Variants in TDRD10 observed in about 807,000 individuals in gnomAD.
TDRD10 encodes the protein tudor domain-containing protein 10.
In TDRD10, 40 loss-of-function variants were observed where a neutral mutation model predicts 48.0. That is an observed-to-expected ratio of 0.83 (90% CI 0.65 to 1.09). The LOEUF is 1.09. TDRD10 is among the 50% of genes least tolerant of loss of function. The pLI, the probability that TDRD10 is intolerant of heterozygous loss-of-function variation, is 0.00. For missense variants in TDRD10, 378 were observed against 434.7 expected (o/e 0.87, Z 1.16); for synonymous variants, 162 against 170.4 (o/e 0.95, Z 0.38).
chr1:154,531,684 G>A (rs1268306160), intron 6 of TDRD10, among the ~76,000 whole-genome samples: 1 of 152,204 alleles, frequency 6.6e-6, no homozygotes. Context: ...AAAGAACAAA[G>A]CTTCCACAGT....
At chr1:154,514,115 G>C (rs950444189) in intron 4 of TDRD10, among the ~76,000 whole-genome samples, 1 of 152,172 alleles carries the variant, frequency 6.6e-6, no homozygotes, top group Admixed American at 6.5e-5. Flanking sequence ...GTTTGAACTG[G>C]GGAGGCGGAG....
intron 6 of TDRD10, among the ~76,000 whole-genome samples, chr1:154,525,336 A>C (rs1173122740): frequency 6.6e-6 from 1 of 152,218 alleles, no homozygotes; most frequent in Non-Finnish European, 1.5e-5. Context: ...CAAAAGCTGA[A>C]CATAAAATCC....
rs532059673 is a variant in TDRD10 at position 154,541,625 on chromosome 1, C to G, written c.370-399C>G. Among the ~76,000 whole-genome samples the G allele has an allele frequency of 1.8e-3, 268 of 152,122 alleles. 2 individuals carry two copies. The highest frequency in any genetic ancestry group is 6.3e-3 in the African/African-American group (261 of 41,482). ...GGCAGGGCACCCAGGCTTTTCTGTC[C>G]CCACCCAGCCCTGCACCAGGTGACC... On this transcript the variant is annotated intron_variant, in intron 6 of 12. Coordinates refer to ENST00000368482, the MANE Select transcript of TDRD10 (RefSeq NM_182499.4).
At chr1:154,533,060 AGGCAG>A (rs1694729482) in intron 6 of TDRD10, among the ~76,000 whole-genome samples, 1 of 152,204 alleles carries the variant, frequency 6.6e-6, no homozygotes, top group Admixed American at 6.5e-5. Context: ...ATTGACACCC[AGGCAG>A]GGTGGTGGTA....
chr1:154,506,845 AT>A (rs2149310097), intron 1 of TDRD10, 31 bp from the exon 2 acceptor site: 1 of 1,587,816 alleles, frequency 6.3e-7, no homozygotes. Flanking sequence ...CTATCCTGGC[AT>A]TCCTCTAACT....
At chr1:154,536,420 A>G (rs1453190094) in intron 6 of TDRD10, among the ~76,000 whole-genome samples, 3 of 152,220 alleles carry the variant, frequency 2.0e-5, no homozygotes, top group South Asian at 2.1e-4. Context: ...ACTTGATTCA[A>G]TAGGATTTGC....
At position 154,542,716 on chromosome 1, in the gene TDRD10, T is replaced by C. The variant is rs1169046416; in HGVS notation, c.413-15T>C. The C allele has an allele frequency of 6.2e-7, 1 of 1,610,750 alleles. No individual in the cohort carries two copies. The highest frequency in any genetic ancestry group is 8.5e-7 in the Non-Finnish European group (1 of 1,177,702). ...TAGTTCTGGTGCCTCCAGGACTTAGTCTTCTGCTTTCTAGCTATTATACAG... is the reference window on the plus strand; with the variant it reads ...TAGTTCTGGTGCCTCCAGGACTTAGCCTTCTGCTTTCTAGCTATTATACAG... On this transcript the variant is annotated splice_polypyrimidine_tract_variant and intron_variant, in intron 7 of 12. Transcript: ENST00000368482.
intron 11 of TDRD10, among the ~76,000 whole-genome samples, chr1:154,545,486 G>C (rs1361505150): frequency 6.6e-6 from 1 of 152,202 alleles, no homozygotes; most frequent in East Asian, 1.9e-4. Context: ...AAGGATGAAA[G>C]AATGTTTTAG....
At chr1:154,510,388 C>T (rs983855013) in intron 4 of TDRD10, among the ~76,000 whole-genome samples, 3 of 151,866 alleles carry the variant, frequency 2.0e-5, no homozygotes, top group African/African-American at 7.3e-5. Context: ...GTCAGGAGAT[C>T]GAGACCATCC....
chr1:154,526,911 A>G (rs1433790527), intron 6 of TDRD10, among the ~76,000 whole-genome samples: 3 of 137,232 alleles, frequency 2.2e-5, no homozygotes, highest in Non-Finnish European at 4.7e-5. Flanking sequence ...TTATTTTTTT[A>G]TTATTAATTA....
chr1:154,511,551 C>T (rs1302997848), intron 4 of TDRD10, among the ~76,000 whole-genome samples: 1 of 150,574 alleles, frequency 6.6e-6, no homozygotes, highest in East Asian at 1.9e-4. Flanking sequence ...ACAAATAATA[C>T]TAATAATACA....
At position 154,507,266 on chromosome 1, in the gene TDRD10, C is replaced by T. The variant is rs1193274624; in HGVS notation, c.28C>T (p.Leu10Phe). 6.2e-7 allele frequency: 1 copy of T among 1,614,118 alleles called. No homozygotes were observed. Among genetic ancestry groups the T allele is most frequent in the Non-Finnish European group, 8.5e-7 (1 of 1,180,038 alleles). Residue 10 changes from leucine to phenylalanine, a missense_variant, in exon 3 of 13, where the codon CTC becomes TTC. Around this residue, in one of 2 missense-constraint regions of TDRD10, gnomAD observed 310 missense variants for 323.6 expected, o/e 0.96. Transcript: ENST00000368482. Reference sequence around the variant, plus strand: ...GTCCTGGAACATTAGTCACCCCCAACTCTCTGATAAACTGTTTGGGAAGAA... The same window carrying T: ...GTCCTGGAACATTAGTCACCCCCAATTCTCTGATAAACTGTTTGGGAAGAA... MSWNISHPQ[L>F]SDKLFGKNGV... is the part of the protein sequence containing the mutation.
At chr1:154,545,101 C>A in intron 11 of TDRD10, 152 bp downstream of exon 11, 3 of 1,037,556 alleles carry the variant, frequency 2.9e-6, no homozygotes, top group Non-Finnish European at 4.1e-6. Context: ...ATGACCCCTG[C>A]AAAGCTGCCT....
intron 1 of TDRD10, among the ~76,000 whole-genome samples, chr1:154,505,444 A>G (rs1344732281): frequency 6.6e-6 from 1 of 152,106 alleles, no homozygotes; most frequent in African/African-American, 2.4e-5. Context: ...CTCTCTCTCC[A>G]TTTTTATCCA....
At chr1:154,525,287 C>G (rs1036647272) in intron 6 of TDRD10, among the ~76,000 whole-genome samples, 3 of 152,048 alleles carry the variant, frequency 2.0e-5, no homozygotes, top group African/African-American at 7.2e-5. Flanking sequence ...AAGATGATTT[C>G]CCAGTATTCC....
chr1:154,528,683 G>A (rs2149334626), intron 6 of TDRD10, among the ~76,000 whole-genome samples: 1 of 152,172 alleles, frequency 6.6e-6, no homozygotes, highest in East Asian at 2.0e-4. Context: ...TGGTGTGGTG[G>A]TGCATGCCTG....
chr1:154,531,086 C>A (rs1441754306), intron 6 of TDRD10, among the ~76,000 whole-genome samples: 2 of 152,108 alleles, frequency 1.3e-5, no homozygotes, highest in Non-Finnish European at 1.5e-5. Context: ...AGTGATCCGC[C>A]TGCCTCAGCC....
rs191765534 is a variant in TDRD10, at chr1:154,504,024, A to C, written c.-28+995A>C. 1.3e-3 allele frequency among the ~76,000 whole-genome samples: 201 copies of C among 152,344 alleles called. 1 individual carries two copies. The highest frequency in any genetic ancestry group is 4.6e-3 in the African/African-American group (191 of 41,584). ...CAAAAGAAATCTCCCGTCAATTAGC[A>C]GTCACTCCTCATTTCCCTCTCCGCC... On this transcript the variant is annotated intron_variant, in intron 1 of 12. Coordinates refer to ENST00000368482, the MANE Select transcript of TDRD10 (RefSeq NM_182499.4).
intron 11 of TDRD10, among the ~76,000 whole-genome samples, chr1:154,545,275 G>A (rs1695485132): frequency 1.3e-5 from 2 of 152,138 alleles, no homozygotes; most frequent in South Asian, 2.1e-4. Context: ...TACATACTTG[G>A]CGTGTTGCTT....
Sources: allele counts gnomAD v4.1 joint callset (sites outside exome capture counted in the v4.1 genomes callset), GRCh38; gene constraint gnomAD v4.1.1; regional missense constraint gnomAD v4.1.1; transcripts MANE v1.5; gene names NCBI Gene and HGNC (gene_info 2026-07-23, HGNC 2026-07-21).